The following MRC1 variants were observed in gnomAD, a reference collection of about 807,000 sequenced individuals.
MRC1 encodes the protein macrophage mannose receptor 1.
In MRC1, 62 loss-of-function variants were observed where a neutral mutation model predicts 102.9. The observed-to-expected ratio is 0.60, with a 90% CI of 0.49 to 0.74. The LOEUF is 0.74. Ranked by LOEUF, MRC1 falls within the 30% of genes least tolerant of loss-of-function variation. MRC1 has a pLI of 0.00. For missense variants in MRC1, 1,237 were observed against 862.8 expected, an observed-to-expected ratio of 1.43 and a Z score of -5.43; for synonymous variants, 457 against 298.4, an observed-to-expected ratio of 1.53 and a Z score of -5.48.
chr10:17,861,970 A>G (rs929004757), intron 10 of MRC1, among the ~76,000 whole-genome samples: 12 of 152,210 alleles, frequency 7.9e-5, no homozygotes, highest in Non-Finnish European at 1.5e-4. Flanking sequence ...CAGGAAAATC[A>G]CATGGACATA....
chr10:17,909,390 T>C, intron 29 of MRC1, 43 bp downstream of exon 29: 1 of 837,862 alleles, frequency 1.2e-6, no homozygotes. Flanking sequence ...TAGTAATACA[T>C]CCGTACTGTT....
rs1368472454 is a variant in MRC1, at chr10:17,910,986, GCTGAGAAT to G, written c.*524_*531del. 1 of 166,920 alleles carries G rather than the reference GCTGAGAAT, an allele frequency of 6.0e-6. No individual in the cohort carries two copies. Among genetic ancestry groups the G allele is most frequent in the Non-Finnish European group, 1.3e-5 (1 of 75,834 alleles). 10.3% of individuals were successfully genotyped at this position (166,920 alleles called of 1,614,324 possible). A position where few individuals can be genotyped will look rare whatever the true frequency, so the allele number is the denominator to read the frequency against. ...TGTACATGTGCAGAAGAATAAGGCA[GCTGAGAAT>G]CTTGTTTCCCCCAAGAGAGTTTTAC... On this transcript the variant is annotated 3_prime_UTR_variant, in exon 30 of 30. Coordinates refer to ENST00000569591, the MANE Select transcript of MRC1 (RefSeq NM_002438.4).
chr10:17,835,033 A>T (rs1388937101), intron 4 of MRC1, among the ~76,000 whole-genome samples: 1 of 152,328 alleles, frequency 6.6e-6, no homozygotes, highest in East Asian at 1.9e-4. Context: ...CTGACATTCA[A>T]GATTGCCACC....
chr10:17,880,979 A>G, intron 20 of MRC1, 88 bp from the exon 21 acceptor site: 1 of 767,150 alleles, frequency 1.3e-6, no homozygotes, highest in Non-Finnish European at 2.4e-6. Context: ...ATCTTCATGA[A>G]TAATTTTGCT....
chr10:17,829,057 C>G (rs1379784413), intron 3 of MRC1, among the ~76,000 whole-genome samples: 2 of 151,480 alleles, frequency 1.3e-5, no homozygotes, highest in Non-Finnish European at 2.9e-5. Flanking sequence ...ATCAGAGTAG[C>G]TCTTGTTTCC....
At chr10:17,908,771 G>A (rs1833930848) in intron 28 of MRC1, among the ~76,000 whole-genome samples, 2 of 152,240 alleles carry the variant, frequency 1.3e-5, no homozygotes, top group Admixed American at 6.5e-5. Flanking sequence ...GTTTCACTAT[G>A]TTGGCCAGGC....
chr10:17,821,999 A>C (rs1156823465), intron 1 of MRC1, among the ~76,000 whole-genome samples: 2 of 152,178 alleles, frequency 1.3e-5, no homozygotes, highest in Non-Finnish European at 2.9e-5. Flanking sequence ...CTTAACAATA[A>C]AGAAAAAAGA....
intron 7 of MRC1, among the ~76,000 whole-genome samples, chr10:17,852,571 C>G (rs1170104726): frequency 6.6e-6 from 1 of 152,128 alleles, no homozygotes; most frequent in Non-Finnish European, 1.5e-5. Context: ...TATAAATAGG[C>G]TACCATCAAT....
At chr10:17,824,018 A>G (rs1477690330) in intron 2 of MRC1, among the ~76,000 whole-genome samples, 2 of 152,220 alleles carry the variant, frequency 1.3e-5, no homozygotes, top group Non-Finnish European at 2.9e-5. Flanking sequence ...TCAGAAGATT[A>G]TAAAATCTCT....
chr10:17,851,758 AAGG>A lies in MRC1; in HGVS notation c.1250-1206_1250-1204del, dbSNP rs1321772157. ...AGATCACGATCTGCAAATCAAGTGA[AAGG>A]AGAAGAGGATCATCCTGGCAGTGTC... is the stretch of plus-strand genomic sequence containing the variant. On this transcript the variant is annotated intron_variant, in intron 7 of 29. Coordinates refer to ENST00000569591, the MANE Select transcript of MRC1 (RefSeq NM_002438.4). Among the ~76,000 whole-genome samples the A allele has an allele frequency of 7.2e-5, 11 of 152,346 alleles. No homozygotes were observed. In the East Asian group the frequency reaches 1.9e-3, roughly 27 times the overall value.
chr10:17,893,367 G>A (rs1274493632), intron 22 of MRC1, among the ~76,000 whole-genome samples: 1 of 151,946 alleles, frequency 6.6e-6, no homozygotes, highest in African/African-American at 2.4e-5. Context: ...ATGTTGCCCA[G>A]GCTGGTCTTG....
chr10:17,867,382 T>TTCTTCTC (rs1833290516), intron 12 of MRC1, among the ~76,000 whole-genome samples: 1 of 123,748 alleles, frequency 8.1e-6, no homozygotes, highest in African/African-American at 3.1e-5. Context: ...TTCTTCTTCT[T>TTCTTCTC]CTTCTCCTTC....
At chr10:17,888,607 T>G (rs1589192560) in intron 22 of MRC1, among the ~76,000 whole-genome samples, 1 of 152,228 alleles carries the variant, frequency 6.6e-6, no homozygotes, top group African/African-American at 2.4e-5. Flanking sequence ...CTAGTTTAAT[T>G]CCATTGTGGT....
At chr10:17,885,830 A>T (rs1833585826) in intron 22 of MRC1, among the ~76,000 whole-genome samples, 1 of 110,228 alleles carries the variant, frequency 9.1e-6, no homozygotes, top group South Asian at 2.5e-4. Flanking sequence ...ATCCATCATG[A>T]TCATGATCAT....
chr10:17,847,945 C>CTTTTTCTT (rs1838851155), intron 6 of MRC1, among the ~76,000 whole-genome samples: 1 of 139,340 alleles, frequency 7.2e-6, no homozygotes, highest in Non-Finnish European at 1.6e-5. Flanking sequence ...TTTGTAACCA[C>CTTTTTCTT]TGGAAGTGCA....
At chr10:17,866,457 T>A (rs549886331) in intron 11 of MRC1, 105 bp from the exon 12 acceptor site, 12 of 777,692 alleles carry the variant, frequency 1.5e-5, no homozygotes, top group East Asian at 1.5e-4. Flanking sequence ...GAGATCATAA[T>A]TGGGCATCAG....
chr10:17,866,624 A>T lies in MRC1; in HGVS notation c.1846A>T (p.Lys616Ter), dbSNP rs1833271912. ...TGCAGGGGGCTTATGGGATGTTTTGAAATGTGATGAAAAGGCAAAATTTGT... is the reference window on the plus strand; with the variant it reads ...TGCAGGGGGCTTATGGGATGTTTTGTAATGTGATGAAAAGGCAAAATTTGT... ...GIAGGLWDVL[K>*]CDEKAKFVCK... The change falls in exon 12 of 30, where the codon AAA becomes TAA. Residue 616 changes from lysine to a stop codon, truncating the protein, a stop_gained. Coordinates refer to ENST00000569591, the MANE Select transcript of MRC1 (RefSeq NM_002438.4). LOFTEE classifies it high-confidence loss of function. 1.3e-6 allele frequency: 1 copy of T among 780,694 alleles called. No individual in the cohort carries two copies. The allele number at this position is 780,694 out of a possible 1,614,324, so 48.4% of individuals were successfully genotyped here. A position where few individuals can be genotyped will look rare whatever the true frequency, so the allele number is the denominator to read the frequency against.
At chr10:17,876,674 T>C (rs2130684825) in intron 17 of MRC1, among the ~76,000 whole-genome samples, 1 of 152,372 alleles carries the variant, frequency 6.6e-6, no homozygotes, top group East Asian at 1.9e-4. Context: ...ATGTCAGTCC[T>C]GGACCCTTTG....
rs1173745035 is a variant in MRC1, at chr10:17,887,289, G to T, written c.3147+1854G>T. ...GCCTGTCATCCCAGCTGCTCCGGAG[G>T]CTGAGGGAGGAGAATGGCATGAACC... On this transcript the variant is annotated intron_variant, in intron 22 of 29. Transcript: ENST00000569591. 2.6e-5 allele frequency among the ~76,000 whole-genome samples: 4 copies of T among 152,312 alleles called. No homozygotes were observed. In the South Asian group the frequency reaches 6.2e-4, roughly 24 times the overall value.
Sources: gnomAD v4.1 joint callset for allele counts (sites outside exome capture counted in the v4.1 genomes callset) on GRCh38, gnomAD v4.1.1 for gene constraint, MANE v1.5 for transcripts, NCBI Gene and HGNC (gene_info 2026-07-23, HGNC 2026-07-21) for gene names.